COL28A1: variants seen among roughly 807,000 people sequenced by gnomAD.
COL28A1 encodes the protein collagen alpha-1(XXVIII) chain.
A neutral mutation model predicts 150.2 loss-of-function variants in COL28A1; 161 were observed. The observed-to-expected ratio is 1.07, with a 90% CI of 0.94 to 1.22. The LOEUF (loss-of-function observed/expected upper bound fraction) is 1.22, where lower values mean the gene tolerates loss of function less well. COL28A1 is among the 50% of genes most tolerant of loss of function. COL28A1 has a pLI of 0.00. For missense variants in COL28A1, 1,617 were observed against 1,388.3 expected, an observed-to-expected ratio of 1.16 and a Z score of -2.62; for synonymous variants, 552 against 469.7, an observed-to-expected ratio of 1.18 and a Z score of -2.26.
chr7:7,458,137 C>T (rs1787318938), intron 15 of COL28A1, among the ~76,000 whole-genome samples: 1 of 152,202 alleles, frequency 6.6e-6, no homozygotes, highest in Admixed American at 6.5e-5. Flanking sequence ...GTATCATTTG[C>T]TGGGCGCCGT....
chr7:7,366,449 G>A (rs1220043067), intron 33 of COL28A1, among the ~76,000 whole-genome samples: 1 of 152,086 alleles, frequency 6.6e-6, no homozygotes, highest in Admixed American at 6.6e-5. Context: ...AGATCAGTTA[G>A]GAATATGTTT....
intron 15 of COL28A1, among the ~76,000 whole-genome samples, chr7:7,474,362 T>C (rs935794780): frequency 6.6e-6 from 1 of 151,860 alleles, no homozygotes; most frequent in Non-Finnish European, 1.5e-5. Context: ...GGGTGATGGG[T>C]GCACCAAAAT....
At chr7:7,393,435 G>T (rs1210740530) in intron 27 of COL28A1, among the ~76,000 whole-genome samples, 1 of 152,214 alleles carries the variant, frequency 6.6e-6, no homozygotes, top group Non-Finnish European at 1.5e-5. Flanking sequence ...CAGGGTTCAG[G>T]GACCCACTTG....
intron 11 of COL28A1, among the ~76,000 whole-genome samples, chr7:7,503,674 T>A (rs2115105965): frequency 6.6e-6 from 1 of 152,246 alleles, no homozygotes; most frequent in Admixed American, 6.5e-5. Flanking sequence ...CACTAATAAG[T>A]GTATAAAATG....
intron 27 of COL28A1, among the ~76,000 whole-genome samples, chr7:7,407,159 A>G (rs1783535559): frequency 6.6e-6 from 1 of 152,030 alleles, no homozygotes; most frequent in Admixed American, 6.6e-5. Flanking sequence ...TTGAAAAAAT[A>G]TATATAAAAA....
At chr7:7,461,671 GGTA>G (rs1426203965) in intron 15 of COL28A1, among the ~76,000 whole-genome samples, 1 of 152,038 alleles carries the variant, frequency 6.6e-6, no homozygotes, top group Non-Finnish European at 1.5e-5. Context: ...TATCCTCCTA[GGTA>G]TACAATTCCA....
chr7:7,474,300 G>A (rs1234289312), intron 15 of COL28A1, among the ~76,000 whole-genome samples: 1 of 151,896 alleles, frequency 6.6e-6, no homozygotes, highest in African/African-American at 2.4e-5. Context: ...CAAAAGGGTG[G>A]GAAGAGGGTG....
chr7:7,430,864 G>C (rs1784923090), intron 25 of COL28A1, among the ~76,000 whole-genome samples: 1 of 152,170 alleles, frequency 6.6e-6, no homozygotes, highest in South Asian at 2.1e-4. Context: ...TCAAGGATCT[G>C]ATGTAGTCCT....
At position 7,531,768 on chromosome 7, in the gene COL28A1, C is replaced by T. The variant is rs755677082; in HGVS notation, c.261G>A (p.Leu87=). Residue 87 remains leucine (L), a synonymous_variant, in exon 3 of 35, where the codon TTG becomes TTA. Transcript: ENST00000399429. ...KIFQLTPGRS[L]EYDIKLAALQ... is the part of the protein sequence containing the mutation. ...GGGCTGCCAGTTTGATGTCATATTC[C>T]AAGGAGCGACCAGGAGTCAATTGGA... The T allele has an allele frequency of 4.4e-6, 7 of 1,608,670 alleles. No individual in the cohort carries two copies. In the Admixed American group the frequency reaches 6.7e-5, roughly 15 times the overall value.
chr7:7,436,035 A>G (rs964124752), intron 23 of COL28A1, among the ~76,000 whole-genome samples: 28 of 152,230 alleles, frequency 1.8e-4, no homozygotes, highest in African/African-American at 6.0e-4. Flanking sequence ...TATTCAGCAA[A>G]GCTTCCAAGC....
downstream of COL28A1, among the ~76,000 whole-genome samples, chr7:7,352,787 T>C (rs73343282): frequency 8.6e-3 from 1,311 of 152,306 alleles, 16 homozygotes; most frequent in African/African-American, 0.03. Context: ...AAATCTGTAG[T>C]AATTTGTTAT....
chr7:7,451,847 T>A (rs1032789900), intron 18 of COL28A1, among the ~76,000 whole-genome samples: 1 of 152,292 alleles, frequency 6.6e-6, no homozygotes, highest in South Asian at 2.1e-4. Context: ...ATATTCTTCT[T>A]AGACCTACAT....
At chr7:7,510,274 T>TATTGATTGATTG (rs112747472) in intron 9 of COL28A1, among the ~76,000 whole-genome samples, 5 of 151,926 alleles carry the variant, frequency 3.3e-5, no homozygotes, top group African/African-American at 1.2e-4. Context: ...GTGCTTTCAT[T>TATTGATTGATTG]ATTGATTGAT....
chr7:7,370,157 T>C (rs549705863), intron 33 of COL28A1, among the ~76,000 whole-genome samples: 2 of 152,312 alleles, frequency 1.3e-5, no homozygotes, highest in Admixed American at 6.5e-5. Flanking sequence ...TACTATGTGA[T>C]TGAGGAGCTC....
At chr7:7,511,273 C>T in intron 8 of COL28A1, 138 bp from the exon 9 acceptor site, 1 of 638,514 alleles carries the variant, frequency 1.6e-6, no homozygotes, top group Non-Finnish European at 2.7e-6. Flanking sequence ...CAATATTAGC[C>T]TCAATACTGT....
At chr7:7,387,316 A>T (rs73047834) in intron 27 of COL28A1, among the ~76,000 whole-genome samples, 4,469 of 152,264 alleles carry the variant, frequency 0.029, 108 homozygotes, top group Non-Finnish European at 0.047. Context: ...ACTGCATACT[A>T]AAAAGAGTAA....
intron 8 of COL28A1, among the ~76,000 whole-genome samples, chr7:7,511,356 A>C (rs967412065): frequency 6.6e-6 from 1 of 152,092 alleles, no homozygotes; most frequent in Admixed American, 6.6e-5. Context: ...ATAAATCAGG[A>C]ACAATGTAAT....
downstream of COL28A1, among the ~76,000 whole-genome samples, chr7:7,351,934 C>A (rs1387025919): frequency 6.6e-6 from 1 of 152,090 alleles, no homozygotes; most frequent in African/African-American, 2.4e-5. Flanking sequence ...TTGTCTCATT[C>A]TACTCTCTTT....
chr7:7,487,655 C>T (rs770016411), intron 13 of COL28A1, among the ~76,000 whole-genome samples: 1 of 152,094 alleles, frequency 6.6e-6, no homozygotes, highest in African/African-American at 2.4e-5. Flanking sequence ...TAAGGAGAAC[C>T]CAATCTTTTA....
Sources: gnomAD v4.1 joint callset for allele counts (sites outside exome capture counted in the v4.1 genomes callset) on GRCh38, gnomAD v4.1.1 for gene constraint, MANE v1.5 for transcripts, NCBI Gene and HGNC (gene_info 2026-07-23, HGNC 2026-07-21) for gene names.